Variants in SVEP1 observed in about 807,000 individuals in gnomAD.
SVEP1 encodes sushi, von Willebrand factor type A, EGF and pentraxin domain containing 1.
A neutral mutation model predicts 367.3 loss-of-function variants in SVEP1; 164 were observed. The observed-to-expected ratio is 0.45, with a 90% CI of 0.39 to 0.51. The LOEUF (loss-of-function observed/expected upper bound fraction) is 0.51, where lower values mean the gene tolerates loss of function less well. Among genes scored for constraint, SVEP1 ranks in the 20% least tolerant of loss-of-function variants. The pLI is 0.00. For missense variants in SVEP1, 4,117 were observed against 4,425.3 expected, an observed-to-expected ratio of 0.93 and a Z score of 1.98; for synonymous variants, 1,666 against 1,611.6, an observed-to-expected ratio of 1.03 and a Z score of -0.81.
intron 3 of SVEP1, among the ~76,000 whole-genome samples, chr9:110,532,453 T>C (rs1316995791): frequency 6.6e-6 from 1 of 152,068 alleles, no homozygotes; most frequent in East Asian, 1.9e-4. Flanking sequence ...CATGAGGGTA[T>C]TCTAGGCAAA....
intron 24 of SVEP1, among the ~76,000 whole-genome samples, chr9:110,447,852 G>T (rs1052934830): frequency 2.0e-5 from 3 of 152,224 alleles, no homozygotes; most frequent in African/African-American, 7.2e-5. Context: ...AATGAATCAT[G>T]GTGTAGTTAA....
intron 39 of SVEP1, 59 bp downstream of exon 39, chr9:110,404,268 T>A (rs1371504900): frequency 1.3e-6 from 2 of 1,523,198 alleles, no homozygotes; most frequent in African/African-American, 2.7e-5. Flanking sequence ...TAGATACTGC[T>A]TGCTTGGCAA....
intron 38 of SVEP1, 85 bp from the exon 39 acceptor site, chr9:110,404,637 A>T (rs1000521133): frequency 1.6e-6 from 2 of 1,224,128 alleles, no homozygotes; most frequent in Admixed American, 1.8e-5. Context: ...AGCTGTTACA[A>T]GGCTCAGTAG....
At chr9:110,517,630 G>A (rs919953694) in intron 3 of SVEP1, among the ~76,000 whole-genome samples, 74 of 149,876 alleles carry the variant, frequency 4.9e-4, no homozygotes, top group Non-Finnish European at 9.2e-4. Context: ...AAAATTAGGT[G>A]AGCATGGTGG....
chr9:110,414,456 G>A (rs564065260), intron 36 of SVEP1, among the ~76,000 whole-genome samples: 8 of 152,050 alleles, frequency 5.3e-5, no homozygotes, highest in African/African-American at 1.9e-4. Flanking sequence ...GTTAGGGCCT[G>A]CTGCATTTCG....
intron 31 of SVEP1, among the ~76,000 whole-genome samples, 170 bp from the exon 32 acceptor site, chr9:110,432,204 C>T (rs954732818): frequency 1.3e-5 from 2 of 152,026 alleles, no homozygotes; most frequent in Non-Finnish European, 2.9e-5. Flanking sequence ...ACAATAAAAG[C>T]TATTATTTCC....
At chr9:110,431,774 TA>T in intron 32 of SVEP1, 140 bp downstream of exon 32, 1 of 1,143,412 alleles carries the variant, frequency 8.7e-7, no homozygotes, top group Non-Finnish European at 1.2e-6. Context: ...GTGTCTTTTG[TA>T]AGAACTTTAT....
chr9:110,519,441 C>G (rs1034098065), intron 3 of SVEP1, among the ~76,000 whole-genome samples: 4 of 152,168 alleles, frequency 2.6e-5, no homozygotes, highest in African/African-American at 9.7e-5. Flanking sequence ...CAGCATCCTT[C>G]AAGACTCTAA....
intron 1 of SVEP1, among the ~76,000 whole-genome samples, chr9:110,571,938 A>G (rs557152984): frequency 6.6e-6 from 1 of 152,330 alleles, no homozygotes; most frequent in South Asian, 2.1e-4. Flanking sequence ...ACACACATAC[A>G]CACACCAAGT....
At chr9:110,483,745 T>C (rs1829234876) in intron 9 of SVEP1, 52 bp from the exon 10 acceptor site, 2 of 1,384,298 alleles carry the variant, frequency 1.4e-6, no homozygotes, top group South Asian at 1.5e-5. Context: ...TCACAAACGA[T>C]GAGGAGGTTT....
At chr9:110,405,388 G>A (rs993697566) in intron 38 of SVEP1, among the ~76,000 whole-genome samples, 115 of 150,364 alleles carry the variant, frequency 7.6e-4, no homozygotes, top group African/African-American at 2.7e-3. Context: ...ATACCTACAT[G>A]GACTCAGATA....
intron 37 of SVEP1, among the ~76,000 whole-genome samples, chr9:110,410,250 G>A (rs1828025655): frequency 6.6e-6 from 1 of 152,114 alleles, no homozygotes; most frequent in East Asian, 1.9e-4. Flanking sequence ...ATTTCAAATG[G>A]CCCTTGATTT....
rs533871356 is a variant in SVEP1, at chr9:110,514,135, T to C, written c.965-29A>G. 11 of 1,599,100 alleles carry C rather than the reference T, an allele frequency of 6.9e-6. No homozygotes were observed. The East Asian group carries it at 9.0e-5, about 13-fold the overall frequency. ...TGGGCAGACAAGCCGGAGAAGTCCA[T>C]GTTATGTGGCACATCAGCTGGTAGT... On this transcript the variant is annotated intron_variant, in intron 3 of 47. Coordinates refer to ENST00000374469, the MANE Select transcript of SVEP1 (RefSeq NM_153366.4).
In SVEP1 at chr9:110,408,902, G is replaced by A. The variant is rs552783679; in HGVS notation, c.6698C>T (p.Pro2233Leu). 1.7e-5 allele frequency: 27 copies of A among 1,609,282 alleles called. No individual in the cohort carries two copies. In the Middle Eastern group the frequency reaches 6.6e-4, roughly 39 times the overall value. Residue 2233 changes from proline to leucine, a missense_variant, in exon 38 of 48, where the codon CCG becomes CTG. Pro to Leu is a moderately conservative substitution (Grantham distance 98). Transcript: ENST00000374469. Reference protein sequence around the residue: ...FESEVRYQCNPGYKSVGSPVF... With the variant: ...FESEVRYQCNLGYKSVGSPVF... ...AGGACTTCCGACTGACTTATAGCCC[G>A]GGTTACACTGATACCTCACTTCACT...
At chr9:110,477,906 C>G (rs1309143762) in intron 13 of SVEP1, among the ~76,000 whole-genome samples, 1 of 152,170 alleles carries the variant, frequency 6.6e-6, no homozygotes, top group Non-Finnish European at 1.5e-5. Context: ...AAGTTGTTCC[C>G]TCAAATGGCT....
chr9:110,407,386 A>C lies in SVEP1; in HGVS notation c.8214T>G (p.Ala2738=). The C allele has an allele frequency of 6.2e-7, 1 of 1,614,030 alleles. No homozygotes were observed. Among genetic ancestry groups the C allele is most frequent in the Non-Finnish European group, 8.5e-7 (1 of 1,179,902 alleles). Residue 2738 remains alanine (A), a synonymous_variant, in exon 38 of 48, where the codon GCT becomes GCG. Coordinates refer to ENST00000374469, the MANE Select transcript of SVEP1 (RefSeq NM_153366.4). ...GTCCAGGTTTACAGCTATACTGCACAGCACTTCCCATGCTAGTCTCTGTAA... is the reference window on the plus strand; with the variant it reads ...GTCCAGGTTTACAGCTATACTGCACCGCACTTCCCATGCTAGTCTCTGTAA... ...LRFTETSMGS[A]VQYSCKPGHI... is the part of the protein sequence containing the mutation.
chr9:110,513,918 T>C, intron 4 of SVEP1, 30 bp downstream of exon 4: 1 of 1,593,872 alleles, frequency 6.3e-7, no homozygotes, highest in Non-Finnish European at 8.6e-7. Context: ...AGCTTTTATA[T>C]TTCCCATTTT....
chr9:110,462,717 C>T (rs183476408), intron 18 of SVEP1, among the ~76,000 whole-genome samples: 2 of 150,982 alleles, frequency 1.3e-5, no homozygotes, highest in African/African-American at 4.9e-5. Context: ...CTATTGTAGA[C>T]AGAGAGACAG....
At chr9:110,466,585 C>A in intron 17 of SVEP1, among the ~76,000 whole-genome samples, 1 of 151,114 alleles carries the variant, frequency 6.6e-6, no homozygotes, top group Non-Finnish European at 1.5e-5. Context: ...GGTGAAACCC[C>A]GTCTCTACTA....
Sources: gnomAD v4.1 joint callset for allele counts (sites outside exome capture counted in the v4.1 genomes callset) on GRCh38, gnomAD v4.1.1 for gene constraint, MANE v1.5 for transcripts, NCBI Gene and HGNC (gene_info 2026-07-23, HGNC 2026-07-21) for gene names.